The following MAST4 variants were observed in gnomAD, a reference collection of about 807,000 sequenced individuals.
The protein encoded by MAST4 is microtubule-associated serine/threonine-protein kinase 4.
In MAST4, 89 loss-of-function variants were observed where a neutral mutation model predicts 162.7. The ratio of observed to expected loss-of-function variants is 0.55; its 90% CI spans 0.46 to 0.65. The LOEUF is 0.65. Ranked by LOEUF, MAST4 falls within the 30% of genes least tolerant of loss-of-function variation. MAST4 has a pLI of 0.00. For synonymous variants in MAST4, 1,479 were observed against 1,361.1 expected (o/e 1.09, Z -1.91); for missense variants, 3,153 against 3,374.0 (o/e 0.93, Z 1.62).
rs903401277 is a variant in MAST4 at position 66,963,068 on chromosome 5, G to C, written c.674+63086G>C. Among the ~76,000 whole-genome samples, 6 of 152,108 alleles carry C rather than the reference G, an allele frequency of 3.9e-5. No individual in the cohort carries two copies. In the East Asian group the frequency reaches 5.8e-4, roughly 15 times the overall value. ...TGGTTTGGATGGGTGGGTGGGGAGT[G>C]GGGGGTCAGGGATTATAATGGTTCA... On this transcript the variant is annotated intron_variant, in intron 4 of 28. Transcript: ENST00000403625.
chr5:67,000,796 G>A (rs1333862382), intron 4 of MAST4, among the ~76,000 whole-genome samples: 1 of 151,514 alleles, frequency 6.6e-6, no homozygotes, highest in African/African-American at 2.4e-5. Context: ...GCAGTAGACA[G>A]AATTCAAGTC....
rs1329790571 is a variant in MAST4 at position 67,152,881 on chromosome 5, T to A, written c.3525+15T>A. 1.3e-6 allele frequency: 2 copies of A among 1,594,744 alleles called. No individual in the cohort carries two copies. Among genetic ancestry groups the A allele is most frequent in the South Asian group, 1.1e-5 (1 of 90,400 alleles). ...ATATCGTCTGGGTAAGACCTGCATGTCTCGCACTTGGGATTTTTCATTTCC... is the reference window on the plus strand; with the variant it reads ...ATATCGTCTGGGTAAGACCTGCATGACTCGCACTTGGGATTTTTCATTTCC... On this transcript the variant is annotated intron_variant, in intron 25 of 28. Transcript: ENST00000403625.
intron 3 of MAST4, among the ~76,000 whole-genome samples, chr5:66,800,089 A>G (rs1755843326): frequency 6.6e-6 from 1 of 152,204 alleles, no homozygotes; most frequent in African/African-American, 2.4e-5. Context: ...TATGATTTAT[A>G]GAACTGATTA....
chr5:67,001,855 C>G (rs1751332622), intron 4 of MAST4: 1 of 152,162 alleles, frequency 6.6e-6, no homozygotes, highest in African/African-American at 2.4e-5. Flanking sequence ...ATCTTTGGAT[C>G]CAAACACTCT....
chr5:67,031,352 A>G (rs27204), intron 4 of MAST4, among the ~76,000 whole-genome samples: 20,596 of 152,048 alleles, frequency 0.14, 1,502 homozygotes, highest in Middle Eastern at 0.22. Flanking sequence ...ATTTTTTAAT[A>G]AGGACATATT....
chr5:66,669,847 G>T (rs1402262487), intron 1 of MAST4, among the ~76,000 whole-genome samples: 1 of 152,168 alleles, frequency 6.6e-6, no homozygotes, highest in Admixed American at 6.5e-5. Flanking sequence ...CATTTGAAAG[G>T]TGACATTTGA....
At chr5:66,961,432 G>A (rs1745998193) in intron 4 of MAST4, among the ~76,000 whole-genome samples, 1 of 152,208 alleles carries the variant, frequency 6.6e-6, no homozygotes, top group African/African-American at 2.4e-5. Context: ...TTTATGCTCT[G>A]TAGATGCAAT....
At chr5:66,809,058 G>A (rs573352651) in intron 3 of MAST4, among the ~76,000 whole-genome samples, 11 of 152,306 alleles carry the variant, frequency 7.2e-5, no homozygotes, top group Non-Finnish European at 1.6e-4. Context: ...ATTCCTAACT[G>A]TTGATTACAC....
chr5:66,712,662 G>A (rs552827122), intron 1 of MAST4, among the ~76,000 whole-genome samples: 3 of 152,210 alleles, frequency 2.0e-5, no homozygotes, highest in Admixed American at 6.5e-5. Context: ...AAGAAATAGA[G>A]TTCCAGGAAA....
chr5:67,128,877 A>G (rs960376122), intron 14 of MAST4, among the ~76,000 whole-genome samples: 1 of 152,208 alleles, frequency 6.6e-6, no homozygotes, highest in Non-Finnish European at 1.5e-5. Flanking sequence ...TTGTTTGATC[A>G]TTGGAGATTT....
Position 66,899,899 on chromosome 5 carries a change from A to AT in MAST4, c.643-52_643-51insT, listed in dbSNP as rs1334215384. 1.4e-5 allele frequency: 20 copies of AT among 1,398,384 alleles called. No homozygotes were observed. The African/African-American group carries it at 2.4e-4, about 17-fold the overall frequency. 86.6% of individuals were successfully genotyped at this position (1,398,384 alleles called of 1,614,324 possible). ...TACGTTATCCATTTGGTATCCTAGT[A>AT]ATCTAAGGTTAATGCAGCATTGCTT... On this transcript the variant is annotated intron_variant, in intron 3 of 28. Coordinates refer to ENST00000403625, the MANE Select transcript of MAST4 (RefSeq NM_001164664.2).
At chr5:66,790,870 A>T (rs1482162615) in intron 3 of MAST4, among the ~76,000 whole-genome samples, 1 of 145,054 alleles carries the variant, frequency 6.9e-6, no homozygotes, top group Non-Finnish European at 1.5e-5. Context: ...ATACTTCACA[A>T]TTCATGATTT....
chr5:66,991,335 T>C (rs1161058827), intron 4 of MAST4, among the ~76,000 whole-genome samples: 1 of 152,224 alleles, frequency 6.6e-6, no homozygotes, highest in Non-Finnish European at 1.5e-5. Context: ...GTTTGGATAC[T>C]TACATGTTAT....
intron 5 of MAST4, among the ~76,000 whole-genome samples, chr5:67,072,122 T>G (rs1761070318): frequency 6.6e-6 from 1 of 152,232 alleles, no homozygotes; most frequent in Non-Finnish European, 1.5e-5. Context: ...TATTTCCTTT[T>G]ATGTTACTGA....
intron 4 of MAST4, among the ~76,000 whole-genome samples, chr5:67,011,942 A>C (rs1224799520): frequency 1.3e-5 from 2 of 152,192 alleles, no homozygotes; most frequent in Admixed American, 1.3e-4. Context: ...TTAAAAATAA[A>C]ACATAAGAAT....
At chr5:66,657,151 A>G (rs1250496091) in intron 1 of MAST4, among the ~76,000 whole-genome samples, 1 of 152,256 alleles carries the variant, frequency 6.6e-6, no homozygotes, top group Non-Finnish European at 1.5e-5. Context: ...ATTGCTGATC[A>G]GCTGAATAAA....
intron 5 of MAST4, among the ~76,000 whole-genome samples, chr5:67,072,643 C>G (rs78500031): frequency 6.6e-6 from 1 of 152,014 alleles, no homozygotes; most frequent in African/African-American, 2.4e-5. Flanking sequence ...TGAATAAGTT[C>G]TAAAATTAAT....
At chr5:66,781,817 C>T (rs768620774) in intron 2 of MAST4, among the ~76,000 whole-genome samples, 2 of 152,138 alleles carry the variant, frequency 1.3e-5, no homozygotes, top group Non-Finnish European at 2.9e-5. Flanking sequence ...TCAGGTGATA[C>T]GGAACTTTTT....
intron 23 of MAST4, among the ~76,000 whole-genome samples, chr5:67,147,187 C>T (rs770372708): frequency 3.3e-5 from 5 of 152,082 alleles, no homozygotes; most frequent in Admixed American, 6.6e-5. Context: ...CTCCCCCATA[C>T]GCACACTAAA....
Sources: gnomAD v4.1 joint callset for allele counts (sites outside exome capture counted in the v4.1 genomes callset) on GRCh38, gnomAD v4.1.1 for gene constraint, MANE v1.5 for transcripts, NCBI Gene and HGNC (gene_info 2026-07-23, HGNC 2026-07-21) for gene names.